The following PRKCQ variants were observed in gnomAD, a reference collection of about 807,000 sequenced individuals.
The protein encoded by PRKCQ is protein kinase C theta.
Under a neutral mutation model 91.2 loss-of-function variants are expected in PRKCQ, and 41 were observed. The ratio of observed to expected loss-of-function variants is 0.45; its 90% CI spans 0.35 to 0.58. PRKCQ has a LOEUF of 0.58. Ranked by LOEUF, PRKCQ falls within the 20% of genes least tolerant of loss-of-function variation. The pLI, the probability that PRKCQ is intolerant of heterozygous loss-of-function variation, is 0.00. For missense variants in PRKCQ, 673 were observed against 896.5 expected (o/e 0.75, Z 3.18); for synonymous variants, 307 against 316.9 (o/e 0.97, Z 0.33).
chr10:6,472,308 AG>A (rs1836022999), intron 12 of PRKCQ, among the ~76,000 whole-genome samples: 1 of 151,990 alleles, frequency 6.6e-6, no homozygotes, highest in Non-Finnish European at 1.5e-5. Context: ...ACTCCATCTC[AG>A]AAAAAAACAA....
intron 2 of PRKCQ, among the ~76,000 whole-genome samples, chr10:6,511,965 C>T (rs1838497092): frequency 6.6e-6 from 1 of 151,734 alleles, no homozygotes; most frequent in Non-Finnish European, 1.5e-5. Flanking sequence ...ACCTGAGCAA[C>T]AAACTTTTTA....
Position 6,485,282 on chromosome 10 carries a change from C to T in PRKCQ, c.901-13G>A, listed in dbSNP as rs769830391. The stretch of plus-strand genomic sequence containing the variant: ...TTAAGCAGCGAGCCTGGATGACAAA[C>T]AGAGAGTCAGACCACCCACCCACCC... On this transcript the variant is annotated splice_polypyrimidine_tract_variant and intron_variant, in intron 9 of 17. Coordinates refer to ENST00000263125, the MANE Select transcript of PRKCQ (RefSeq NM_006257.5). 8.7e-6 allele frequency: 14 copies of T among 1,608,284 alleles called. No homozygotes were observed. The highest frequency in any genetic ancestry group is 1.2e-5 in the Non-Finnish European group (14 of 1,175,376).
intron 12 of PRKCQ, among the ~76,000 whole-genome samples, chr10:6,472,991 G>A (rs1564329680): frequency 6.6e-6 from 1 of 152,218 alleles, no homozygotes; most frequent in African/African-American, 2.4e-5. Context: ...GGGATTACAG[G>A]TGTGAGCCAC....
At chr10:6,404,486 CTCTCTTTCCTT>C in the PRKCQ span, among the ~76,000 whole-genome samples, 16 of 133,492 alleles carry the variant, frequency 1.2e-4, 1 homozygote, top group South Asian at 4.0e-3. Flanking sequence ...TTCTTTCTTT[CTCTCTTTCCTT>C]TCTTTCTCTG....
Position 6,430,659 on chromosome 10 carries a change from G to GTGTT in PRKCQ, c.1965+147_1965+150dup. ...CCCTGCCCCACCAGCCCAGTAACAT[G>GTGTT]TGTTAGAGACGTGCATTCCTCCTGG... On this transcript the variant is annotated intron_variant, in intron 17 of 17. Coordinates refer to ENST00000263125, the MANE Select transcript of PRKCQ (RefSeq NM_006257.5). This position sits in a 1 kb window ranked among gnomAD's most constrained non-coding sequence, Gnocchi z 4.7. The GTGTT allele has an allele frequency of 2.5e-6, 3 of 1,180,618 alleles. No individual in the cohort carries two copies. Among genetic ancestry groups the GTGTT allele is most frequent in the Non-Finnish European group, 3.6e-6 (3 of 841,848 alleles). The allele number at this position is 1,180,618 out of a possible 1,614,324, so 73.1% of individuals were successfully genotyped here.
At chr10:6,563,989 C>T (rs1038556561) in intron 1 of PRKCQ, among the ~76,000 whole-genome samples, 2 of 152,098 alleles carry the variant, frequency 1.3e-5, no homozygotes, top group Non-Finnish European at 2.9e-5. Flanking sequence ...AGCAAAGTAA[C>T]GATGTGAGCG....
chr10:6,507,027 A>G (rs1838231605), intron 4 of PRKCQ, among the ~76,000 whole-genome samples: 1 of 152,230 alleles, frequency 6.6e-6, no homozygotes, highest in African/African-American at 2.4e-5. Flanking sequence ...TTTATGGAAT[A>G]TATTGATTGA....
downstream of PRKCQ, among the ~76,000 whole-genome samples, chr10:6,422,666 A>G (rs1268815537): frequency 6.6e-6 from 1 of 152,244 alleles, no homozygotes; most frequent in Admixed American, 6.5e-5. Flanking sequence ...GGTAATTGCA[A>G]GAATTTTCCA....
At chr10:6,453,481 A>G (rs1210175009) in intron 15 of PRKCQ, among the ~76,000 whole-genome samples, 1 of 152,234 alleles carries the variant, frequency 6.6e-6, no homozygotes, top group East Asian at 1.9e-4. Flanking sequence ...GGGACTGCCA[A>G]CTAGTTCAAC....
At position 6,491,645 on chromosome 10, in the gene PRKCQ, G is replaced by C. The variant is rs759773896; in HGVS notation, c.790+38C>G. On this transcript the variant is annotated intron_variant, in intron 8 of 17. Transcript: ENST00000263125. ...AAAGCCTTGCTCCATCCCCTAGGGG[G>C]TCCACGTCGGGCCATGCTCATCCCC... is the stretch of plus-strand genomic sequence containing the variant. The C allele has an allele frequency of 2.5e-6, 4 of 1,611,286 alleles. No homozygotes were observed. The South Asian group carries it at 4.4e-5, about 18-fold the overall frequency.
At chr10:6,569,070 C>T (rs1840940821) in intron 1 of PRKCQ, among the ~76,000 whole-genome samples, 1 of 152,156 alleles carries the variant, frequency 6.6e-6, no homozygotes, top group African/African-American at 2.4e-5. Flanking sequence ...GATTCTTTTC[C>T]TCTAACACTT....
chr10:6,534,377 A>G (rs1839497526), intron 1 of PRKCQ, among the ~76,000 whole-genome samples: 1 of 152,214 alleles, frequency 6.6e-6, no homozygotes, highest in African/African-American at 2.4e-5. Context: ...TCTACTGAAC[A>G]TGACTCTTAA....
chr10:6,485,635 C>T (rs572471645), intron 9 of PRKCQ, among the ~76,000 whole-genome samples: 3 of 152,144 alleles, frequency 2.0e-5, no homozygotes, highest in African/African-American at 7.2e-5. Context: ...CAGCTAATGC[C>T]AAAACAGTAA....
the PRKCQ span, among the ~76,000 whole-genome samples, chr10:6,395,236 T>C: frequency 2.0e-5 from 3 of 152,106 alleles, no homozygotes; most frequent in Non-Finnish European, 2.9e-5. Flanking sequence ...GCTAATTTTT[T>C]GTACTTTTAG....
At chr10:6,486,171 C>A (rs1225613772) in intron 8 of PRKCQ, 27 bp from the exon 9 acceptor site, 1 of 1,586,604 alleles carries the variant, frequency 6.3e-7, no homozygotes, top group South Asian at 1.1e-5. Context: ...AGATAGTGAG[C>A]AAGAGTGGAA....
intron 16 of PRKCQ, among the ~76,000 whole-genome samples, chr10:6,433,675 C>G (rs924807582): frequency 2.6e-5 from 4 of 152,016 alleles, no homozygotes; most frequent in Non-Finnish European, 4.4e-5. Flanking sequence ...CACCTGCACC[C>G]CATACATTTA....
chr10:6,544,567 G>A (rs1839884590), intron 1 of PRKCQ, among the ~76,000 whole-genome samples: 1 of 151,664 alleles, frequency 6.6e-6, no homozygotes, highest in African/African-American at 2.4e-5. Flanking sequence ...ATCTGAATTT[G>A]TGTGATGACT....
intron 1 of PRKCQ, among the ~76,000 whole-genome samples, chr10:6,537,285 T>C (rs1023034625): frequency 6.6e-6 from 1 of 152,200 alleles, no homozygotes; most frequent in African/African-American, 2.4e-5. Context: ...GTTTACCTCT[T>C]AAGGAAATAA....
chr10:6,431,807 T>G (rs1376521180), intron 16 of PRKCQ, among the ~76,000 whole-genome samples: 1 of 152,328 alleles, frequency 6.6e-6, no homozygotes, highest in East Asian at 1.9e-4. Flanking sequence ...GCAAACCTGC[T>G]GGAGGAGCAA....
Sources: gnomAD v4.1 joint callset for allele counts (sites outside exome capture counted in the v4.1 genomes callset) on GRCh38, gnomAD v4.1.1 for gene constraint, Gnocchi (gnomAD v3.1) non-coding constraint, MANE v1.5 for transcripts, NCBI Gene and HGNC (gene_info 2026-07-23, HGNC 2026-07-21) for gene names.